DENND2B: variants seen among roughly 807,000 people sequenced by gnomAD.
DENND2B encodes DENN domain containing 2B.
Under a neutral mutation model 116.0 loss-of-function variants are expected in DENND2B, and 32 were observed. That is an observed-to-expected ratio of 0.28 (90% CI 0.21 to 0.37). DENND2B has a LOEUF of 0.37. DENND2B is among the 10% of genes least tolerant of loss of function. DENND2B has a pLI of 1.00. For synonymous variants in DENND2B, 588 were observed against 583.9 expected, an observed-to-expected ratio of 1.01 and a Z score of -0.10; for missense variants, 1,276 against 1,477.7, an observed-to-expected ratio of 0.86 and a Z score of 2.24.
chr11:8,752,382 G>A (rs568188022), intron 1 of DENND2B, among the ~76,000 whole-genome samples: 41 of 152,042 alleles, frequency 2.7e-4, no homozygotes, highest in African/African-American at 9.2e-4. Flanking sequence ...AACCTGGGAG[G>A]AGGAGGTTGC....
intron 3 of DENND2B, among the ~76,000 whole-genome samples, chr11:8,845,966 T>C (rs1412067001): frequency 1.3e-5 from 2 of 152,184 alleles, no homozygotes; most frequent in African/African-American, 4.8e-5. Flanking sequence ...TCTTCAGGAC[T>C]GAATCAAGTC....
At chr11:8,880,349 GTGT>G (rs751890475) in intron 2 of DENND2B, among the ~76,000 whole-genome samples, 31,881 of 149,894 alleles carry the variant, frequency 0.21, 3,930 homozygotes, top group Middle Eastern at 0.41. Context: ...TTTGAACTGT[GTGT>G]GTGTGTGTGT....
upstream of DENND2B, among the ~76,000 whole-genome samples, chr11:8,811,977 A>G (rs1221251023): frequency 6.6e-6 from 1 of 152,162 alleles, no homozygotes; most frequent in Non-Finnish European, 1.5e-5. Flanking sequence ...GGCTTCACGC[A>G]ATCCTCCTGC....
At chr11:8,894,902 T>C (rs2064080651) in intron 1 of DENND2B, among the ~76,000 whole-genome samples, 1 of 152,226 alleles carries the variant, frequency 6.6e-6, no homozygotes, top group Admixed American at 6.5e-5. Flanking sequence ...TTTCTGGGTA[T>C]ATACCCAAAG....
At chr11:8,817,354 C>T (rs2061603751) in intron 4 of DENND2B, among the ~76,000 whole-genome samples, 1 of 152,192 alleles carries the variant, frequency 6.6e-6, no homozygotes, top group African/African-American at 2.4e-5. Context: ...CTGGAAGCCA[C>T]ATCTGGCAGG....
At chr11:8,706,386 C>CT (rs2042609376) in intron 13 of DENND2B, among the ~76,000 whole-genome samples, 1 of 151,568 alleles carries the variant, frequency 6.6e-6, no homozygotes, top group Admixed American at 6.6e-5. Flanking sequence ...ACCCACCCCT[C>CT]TACCCCCACC....
At position 8,712,480 on chromosome 11, in the gene DENND2B, C is replaced by T; in HGVS notation, c.2172+71G>A. 2.1e-6 allele frequency: 3 copies of T among 1,462,034 alleles called. No homozygotes were observed. Among genetic ancestry groups the T allele is most frequent in the Non-Finnish European group, 1.8e-6 (2 of 1,086,610 alleles). 90.6% of individuals were successfully genotyped at this position (1,462,034 alleles called of 1,614,324 possible). A position where few individuals can be genotyped will look rare whatever the true frequency, so the allele number is the denominator to read the frequency against. On this transcript the variant is annotated intron_variant, in intron 9 of 19. Transcript: ENST00000313726. The surrounding 1 kb of genome is among the most constrained non-coding windows in gnomAD (Gnocchi z 4.4). ...TGACGAACAAGATCTCTCTCCTTCC[C>T]CAGATAGGCCTGGCGGATAGAGGAT...
chr11:8,828,857 G>C (rs1334077348), intron 4 of DENND2B, among the ~76,000 whole-genome samples: 1 of 152,162 alleles, frequency 6.6e-6, no homozygotes, highest in African/African-American at 2.4e-5. Flanking sequence ...GGGAGCAGAG[G>C]TGGAAGACAG....
At chr11:8,869,283 T>A (rs1375628608) in intron 2 of DENND2B, among the ~76,000 whole-genome samples, 1 of 152,236 alleles carries the variant, frequency 6.6e-6, no homozygotes, top group Non-Finnish European at 1.5e-5. Context: ...GGTGCCCTTC[T>A]GGCCCAATTA....
intron 11 of DENND2B, 55 bp downstream of exon 11, chr11:8,710,790 C>T (rs2043501070): frequency 1.4e-6 from 2 of 1,462,130 alleles, no homozygotes; most frequent in African/African-American, 1.4e-5. Context: ...CACACACACA[C>T]ACACCCTGGC....
chr11:8,816,180 G>A (rs1213176943), intron 4 of DENND2B, among the ~76,000 whole-genome samples: 1 of 152,148 alleles, frequency 6.6e-6, no homozygotes, highest in African/African-American at 2.4e-5. Flanking sequence ...CCTCTGGGAA[G>A]CCTAGTTTCT....
intron 1 of DENND2B, chr11:8,794,665 T>C (rs1490702199): frequency 2.6e-5 from 4 of 152,234 alleles, no homozygotes; most frequent in Non-Finnish European, 5.9e-5. Flanking sequence ...GCAGCTGACA[T>C]TGACTAATGC....
intron 1 of DENND2B, among the ~76,000 whole-genome samples, chr11:8,761,102 C>A (rs1167597871): frequency 6.6e-6 from 1 of 152,214 alleles, no homozygotes; most frequent in Non-Finnish European, 1.5e-5. Flanking sequence ...TGGTCCTTCT[C>A]CACTTCAGTG....
In DENND2B at chr11:8,731,047, T is replaced by C; in HGVS notation, c.243A>G (p.Gln81=). The change falls in exon 3 of 20, where the codon CAA becomes CAG. Residue 81 remains glutamine (Q), a synonymous_variant. Transcript: ENST00000313726. ...HPPAPSPQNP[Q]DPSPDTSPPT... ...GTGGGGAAGTATCTGGGGAGGGATC[T>C]TGAGGATTCTGGGGTGAAGGAGCTG... 12 of 1,614,030 alleles carry C rather than the reference T, an allele frequency of 7.4e-6. No homozygotes were observed. Among genetic ancestry groups the C allele is most frequent in the Non-Finnish European group, 1.0e-5 (12 of 1,179,972 alleles).
intron 4 of DENND2B, among the ~76,000 whole-genome samples, chr11:8,829,114 T>G (rs2062099946): frequency 6.7e-6 from 1 of 149,482 alleles, no homozygotes; most frequent in African/African-American, 2.5e-5. Context: ...TGTGGTGTGC[T>G]TTTGTGCATG....
intron 4 of DENND2B, among the ~76,000 whole-genome samples, chr11:8,822,607 T>C (rs1172870665): frequency 6.6e-6 from 1 of 152,212 alleles, no homozygotes; most frequent in Admixed American, 6.5e-5. Flanking sequence ...CTGGATACTT[T>C]CCACCTCTGT....
chr11:8,871,242 T>A (rs1215307303), intron 1 of DENND2B: 5 of 98,716 alleles, frequency 5.1e-5, no homozygotes, highest in African/African-American at 2.0e-4. Context: ...GCGCCGAGAG[T>A]GTGCGAGGGA....
rs1592474571 is a variant in DENND2B, at chr11:8,707,746, A to G, written c.2430+31T>C. 1 of 1,582,610 alleles carries G rather than the reference A, an allele frequency of 6.3e-7. No individual in the cohort carries two copies. Among genetic ancestry groups the G allele is most frequent in the Non-Finnish European group, 8.6e-7 (1 of 1,163,790 alleles). ...TCCTGTGGGAGCTGTCAGCTGGGGG[A>G]CGGGGAGGGAAGCCTGCCAGAGCCT... On this transcript the variant is annotated intron_variant, in intron 12 of 19. Coordinates refer to ENST00000313726, the MANE Select transcript of DENND2B (RefSeq NM_213618.2). The surrounding 1 kb of genome is among the most constrained non-coding windows in gnomAD (Gnocchi z 4.8).
At chr11:8,863,108 G>A (rs2063453318) in intron 2 of DENND2B, among the ~76,000 whole-genome samples, 2 of 151,926 alleles carry the variant, frequency 1.3e-5, no homozygotes, top group African/African-American at 4.8e-5. Flanking sequence ...TTGAGCCTGG[G>A]AGTTCGAGAC....
Sources: gnomAD v4.1 joint callset for allele counts (sites outside exome capture counted in the v4.1 genomes callset) on GRCh38, gnomAD v4.1.1 for gene constraint, Gnocchi (gnomAD v3.1) non-coding constraint, MANE v1.5 for transcripts, NCBI Gene and HGNC (gene_info 2026-07-23, HGNC 2026-07-21) for gene names.